Variants in DMD observed in about 807,000 individuals in gnomAD.
DMD encodes mutant dystrophin.
In DMD, 63 loss-of-function variants were observed where a neutral mutation model predicts 330.1. That is an observed-to-expected ratio of 0.19 (90% confidence interval 0.16 to 0.24). The LOEUF (loss-of-function observed/expected upper bound fraction) is 0.24. Among genes scored for constraint, DMD ranks in the 10% least tolerant of loss-of-function variants. The probability of loss-of-function intolerance (pLI) is 1.00; values close to 1 mark genes in which losing one functional copy is unlikely to be tolerated. For synonymous variants in DMD, 1,223 were observed against 959.8 expected, an observed-to-expected ratio of 1.27 and a Z score of -5.07; for missense variants, 3,344 against 2,684.1, an observed-to-expected ratio of 1.25 and a Z score of -5.43.
intron 2 of DMD, among the ~76,000 whole-genome samples, chrX:32,947,902 A>G (rs2090931309): frequency 9.0e-6 from 1 of 111,421 alleles, no homozygotes; most frequent in East Asian, 2.8e-4. Flanking sequence ...TTCCTAAGCT[A>G]TTTGAGGTAC....
chrX:33,090,081 A>G (rs961582728), intron 1 of DMD, among the ~76,000 whole-genome samples: 14 of 111,867 alleles, frequency 1.3e-4, no homozygotes, highest in Middle Eastern at 4.7e-3. Flanking sequence ...AGTGATAGCT[A>G]CAAAGCTTGT....
At chrX:32,622,980 A>G (rs1286016043) in intron 11 of DMD, among the ~76,000 whole-genome samples, 1 of 111,770 alleles carries the variant, frequency 8.9e-6, no homozygotes, top group African/African-American at 3.3e-5. Context: ...TACTTAAGGT[A>G]TGTGTTCGAT....
chrX:33,209,603 C>G (rs777029378), intron 1 of DMD, among the ~76,000 whole-genome samples: 6 of 111,407 alleles, frequency 5.4e-5, no homozygotes, highest in African/African-American at 1.9e-4. Context: ...TGTCAAACAT[C>G]CAAGTAGCAG....
intron 1 of DMD, among the ~76,000 whole-genome samples, chrX:33,061,192 T>A (rs2094578040): frequency 8.9e-6 from 1 of 112,475 alleles, no homozygotes; most frequent in Admixed American, 9.5e-5. Flanking sequence ...TTGCTCTTGT[T>A]ACGTTATTCT....
chrX:31,138,845 G>T (rs2035675369), intron 76 of DMD, among the ~76,000 whole-genome samples: 1 of 111,084 alleles, frequency 9.0e-6, no homozygotes, highest in Non-Finnish European at 1.9e-5. Flanking sequence ...ATGAGATTTA[G>T]GTGGGAACAC....
intron 2 of DMD, among the ~76,000 whole-genome samples, chrX:32,977,132 T>TA (rs1232043001): frequency 9.1e-6 from 1 of 109,752 alleles, no homozygotes; most frequent in Admixed American, 9.8e-5. Context: ...TCTCCACTGT[T>TA]ACAATAAAAA....
chrX:31,184,283 C>T (rs2041500737), intron 67 of DMD, among the ~76,000 whole-genome samples: 1 of 111,981 alleles, frequency 8.9e-6, no homozygotes, highest in Admixed American at 9.5e-5. Context: ...AATATTACTC[C>T]ACTTTCGTCT....
chrX:31,681,880 G>A (rs912587008), intron 52 of DMD, among the ~76,000 whole-genome samples: 56 of 112,296 alleles, frequency 5.0e-4, no homozygotes, highest in African/African-American at 1.8e-3. Context: ...TGGATCATGA[G>A]GTCAGGAGTT....
At chrX:32,840,236 C>T (rs1201868499) in intron 4 of DMD, among the ~76,000 whole-genome samples, 3 of 111,746 alleles carry the variant, frequency 2.7e-5, no homozygotes, top group Non-Finnish European at 3.8e-5. Context: ...ATTTTGGGGC[C>T]TTTTCCCTAC....
At chrX:33,279,668 A>T (rs2053293081) in intron 1 of DMD, among the ~76,000 whole-genome samples, 1 of 111,417 alleles carries the variant, frequency 9.0e-6, no homozygotes, top group African/African-American at 3.3e-5. Flanking sequence ...ACCATTTAAC[A>T]GTCCCACCAG....
chrX:32,522,611 G>C, intron 17 of DMD, among the ~76,000 whole-genome samples: 1 of 112,049 alleles, frequency 8.9e-6, no homozygotes, highest in Non-Finnish European at 1.9e-5. Context: ...TTAGAATAAA[G>C]AACAAAATTT....
At chrX:32,521,774 T>G (rs934185886) in intron 17 of DMD, among the ~76,000 whole-genome samples, 1 of 112,226 alleles carries the variant, frequency 8.9e-6, no homozygotes, top group African/African-American at 3.2e-5. Flanking sequence ...ATTTGTTATC[T>G]TCATCTCCGC....
rs1050131347 is a variant in DMD at position 31,806,077 on chromosome X, A to G, written c.7309+13898T>C. Among the ~76,000 whole-genome samples, 20 of 112,212 alleles carry G rather than the reference A, an allele frequency of 1.8e-4. 1 individual carries two copies. In the Admixed American group the frequency reaches 1.8e-3, roughly 10 times the overall value. ...AAGATCTTCTGGCTTGTAAAACCCA[A>G]AATATTTACTATCTGGCTTTTTACA... On this transcript the variant is annotated intron_variant, in intron 50 of 78. Coordinates refer to ENST00000357033, the MANE Select transcript of DMD (RefSeq NM_004006.3).
At chrX:31,528,673 C>T (rs1263720397) in intron 55 of DMD, among the ~76,000 whole-genome samples, 1 of 112,277 alleles carries the variant, frequency 8.9e-6, no homozygotes, top group Non-Finnish European at 1.9e-5. Context: ...TGTACAATTT[C>T]ATTTCCCAAA....
At chrX:32,943,832 G>C (rs1569544660) in intron 2 of DMD, among the ~76,000 whole-genome samples, 1 of 112,139 alleles carries the variant, frequency 8.9e-6, no homozygotes, top group African/African-American at 3.2e-5. Context: ...GGTTACAAAT[G>C]AGATCGAACA....
At chrX:32,518,268 A>C (rs1042568564) in intron 17 of DMD, 137 bp from the exon 18 acceptor site, 18 of 619,650 alleles carry the variant, frequency 2.9e-5, no homozygotes, top group Non-Finnish European at 3.0e-5. Flanking sequence ...TATTAATAGC[A>C]GCACTATTTT....
intron 7 of DMD, among the ~76,000 whole-genome samples, chrX:32,718,210 T>C (rs755908298): frequency 9.0e-6 from 1 of 111,485 alleles, no homozygotes; most frequent in African/African-American, 3.3e-5. Flanking sequence ...AAATCTCATG[T>C]TGTATTGTGA....
chrX:33,041,294 T>C, intron 1 of DMD: 2 of 889,623 alleles, frequency 2.2e-6, no homozygotes, highest in Non-Finnish European at 3.2e-6. Flanking sequence ...AGCCTGCGCA[T>C]GCGCGCCGGC....
chrX:31,219,983 C>T (rs772278182), intron 64 of DMD, among the ~76,000 whole-genome samples: 4 of 111,269 alleles, frequency 3.6e-5, no homozygotes, highest in African/African-American at 9.8e-5. Flanking sequence ...AAATACGTTT[C>T]GATACACAAT....
Sources: allele counts gnomAD v4.1 joint callset (sites outside exome capture counted in the v4.1 genomes callset), GRCh38; gene constraint gnomAD v4.1.1; transcripts MANE v1.5; gene names NCBI Gene and HGNC (gene_info 2026-07-23, HGNC 2026-07-21).